The following GPATCH8 variants were observed in gnomAD, a reference collection of about 807,000 sequenced individuals.
GPATCH8 encodes G-patch domain containing 8, also known as G patch domain-containing protein 8.
Under a neutral mutation model 118.3 loss-of-function variants are expected in GPATCH8, and 18 were observed. That is an observed-to-expected ratio of 0.15 (90% CI 0.11 to 0.23). The LOEUF (loss-of-function observed/expected upper bound fraction) is 0.23. Among genes scored for constraint, GPATCH8 ranks in the 10% least tolerant of loss-of-function variants. The pLI is 1.00. For synonymous variants in GPATCH8, 659 were observed against 684.7 expected, an observed-to-expected ratio of 0.96 and a Z score of 0.59; for missense variants, 1,631 against 1,873.8, an observed-to-expected ratio of 0.87 and a Z score of 2.39.
intron 1 of GPATCH8, among the ~76,000 whole-genome samples, chr17:44,479,209 CA>C (rs1968019139): frequency 6.6e-6 from 1 of 152,210 alleles, no homozygotes; most frequent in Non-Finnish European, 1.5e-5. Flanking sequence ...AAAAATCACA[CA>C]AGTTTTTCCA....
rs398039126 is a variant in GPATCH8 at position 44,499,899 on chromosome 17, T to TAA, written c.45+3425_45+3426dup. ...TTAGATTACAAAGATTTCCAAAGAT[T>TAA]AAAAAAAAAAAAAACACTTAAAAGG... is the stretch of plus-strand genomic sequence containing the variant. On this transcript the variant is annotated intron_variant, in intron 1 of 7. Coordinates refer to ENST00000591680, the MANE Select transcript of GPATCH8 (RefSeq NM_001002909.4). Among the ~76,000 whole-genome samples the TAA allele has an allele frequency of 6.7e-3, 895 of 132,652 alleles. 11 individuals carry two copies. The highest frequency in any genetic ancestry group is 0.024 in the African/African-American group (858 of 36,432). 87.0% of individuals were successfully genotyped at this position (132,652 alleles called of 152,430 possible).
chr17:44,413,284 T>C (rs1435603576), intron 6 of GPATCH8, among the ~76,000 whole-genome samples: 1 of 152,232 alleles, frequency 6.6e-6, no homozygotes, highest in Non-Finnish European at 1.5e-5. Flanking sequence ...TTTCTTCTTA[T>C]TTTTGAGACA....
At chr17:44,435,238 T>A in intron 4 of GPATCH8, 87 bp from the exon 5 acceptor site, 2 of 734,994 alleles carry the variant, frequency 2.7e-6, no homozygotes, top group East Asian at 2.5e-5. Flanking sequence ...ACTACAGTAT[T>A]ATCTGAAAAC....
At chr17:44,450,932 T>C (rs2051090394) in intron 3 of GPATCH8, among the ~76,000 whole-genome samples, 1 of 152,170 alleles carries the variant, frequency 6.6e-6, no homozygotes, top group Non-Finnish European at 1.5e-5. Flanking sequence ...AAATTTGAAA[T>C]TATAACTTAA....
chr17:44,489,982 A>G (rs74826440), intron 1 of GPATCH8, among the ~76,000 whole-genome samples: 9,324 of 152,164 alleles, frequency 0.061, 397 homozygotes, highest in Non-Finnish European at 0.095. Context: ...AGATGATCAT[A>G]TATCATACAA....
rs549251649 is a variant in GPATCH8, at chr17:44,467,696, G to C, written c.121-3152C>G. Among the ~76,000 whole-genome samples, 3 of 152,146 alleles carry C rather than the reference G, an allele frequency of 2.0e-5. No individual in the cohort carries two copies. The South Asian group carries it at 6.2e-4, about 32-fold the overall frequency. On this transcript the variant is annotated intron_variant, in intron 2 of 7. Coordinates refer to ENST00000591680, the MANE Select transcript of GPATCH8 (RefSeq NM_001002909.4). ...AACTACCTGCTTTTGGAGGAAAAAAGGCAGCTCTGTGACTCTGCAGGAAGG... is the reference window on the plus strand; with the variant it reads ...AACTACCTGCTTTTGGAGGAAAAAACGCAGCTCTGTGACTCTGCAGGAAGG...
At chr17:44,419,186 A>T (rs1206139074) in intron 6 of GPATCH8, among the ~76,000 whole-genome samples, 1 of 152,242 alleles carries the variant, frequency 6.6e-6, no homozygotes, top group Non-Finnish European at 1.5e-5. Context: ...TACTAACGTA[A>T]TACATTATTT....
At chr17:44,472,644 C>T (rs1967382108) in intron 2 of GPATCH8, among the ~76,000 whole-genome samples, 1 of 152,258 alleles carries the variant, frequency 6.6e-6, no homozygotes, top group Admixed American at 6.5e-5. Context: ...GGAGCTGATT[C>T]TGACAGCTCT....
intron 6 of GPATCH8, among the ~76,000 whole-genome samples, chr17:44,416,817 G>A (rs11658557): frequency 0.074 from 11,271 of 152,262 alleles, 709 homozygotes; most frequent in East Asian, 0.33. Flanking sequence ...GTGGCTGCTA[G>A]AGGCTTCATC....
chr17:44,435,411 CTTTTTT>C (rs566253126), intron 4 of GPATCH8, among the ~76,000 whole-genome samples: 9 of 99,754 alleles, frequency 9.0e-5, no homozygotes, highest in Admixed American at 1.3e-4. Context: ...TCTTTCTTTC[CTTTTTT>C]TTTTTTTTTT....
chr17:44,429,858 C>T (rs1051001436), intron 5 of GPATCH8, among the ~76,000 whole-genome samples: 8 of 144,672 alleles, frequency 5.5e-5, no homozygotes, highest in African/African-American at 1.0e-4. Context: ...AGTAAGACTC[C>T]GTCTAAAAAA....
chr17:44,454,504 G>A (rs867057546), intron 3 of GPATCH8, among the ~76,000 whole-genome samples: 5 of 152,132 alleles, frequency 3.3e-5, no homozygotes, highest in Non-Finnish European at 2.9e-5. Context: ...GATGATCTCC[G>A]TACTGAGAAA....
At position 44,400,505 on chromosome 17, in the gene GPATCH8, T is replaced by C. The variant is rs1422997217; in HGVS notation, c.1572A>G (p.Lys524=). Residue 524 remains lysine, a synonymous_variant, in exon 8 of 8, where the codon AAA becomes AAG. Coordinates refer to ENST00000591680, the MANE Select transcript of GPATCH8 (RefSeq NM_001002909.4). ...GATGTTTGGGTCCTTCTTGGCTTTC[T>C]TTCCCTGCTGGGGTGGCCAGAGAGG... The part of the protein sequence containing the change: ...KETSLATPAG[K]ESQEGPKHPT... 1 of 1,614,042 alleles carries C rather than the reference T, an allele frequency of 6.2e-7. No homozygotes were observed. Among genetic ancestry groups the C allele is most frequent in the East Asian group, 2.2e-5 (1 of 44,894 alleles).
At position 44,402,300 on chromosome 17, in the gene GPATCH8, G is replaced by A. The variant is rs562639908; in HGVS notation, c.624-847C>T. Among the ~76,000 whole-genome samples, 7 of 146,562 alleles carry A rather than the reference G, an allele frequency of 4.8e-5. No individual in the cohort carries two copies. The South Asian group carries it at 1.3e-3, about 27-fold the overall frequency. ...TCGCAGCACCACTGCACTCCAGCCTGGGTGACAGAGCAAGACTCTGTCTCA... is the reference window on the plus strand; with the variant it reads ...TCGCAGCACCACTGCACTCCAGCCTAGGTGACAGAGCAAGACTCTGTCTCA... On this transcript the variant is annotated intron_variant, in intron 7 of 7. Coordinates refer to ENST00000591680, the MANE Select transcript of GPATCH8 (RefSeq NM_001002909.4).
At chr17:44,410,457 A>G (rs993372129) in intron 6 of GPATCH8, among the ~76,000 whole-genome samples, 5 of 152,216 alleles carry the variant, frequency 3.3e-5, no homozygotes, top group African/African-American at 9.6e-5. Context: ...GGACATTCTA[A>G]TTTGAATGGA....
intron 4 of GPATCH8, among the ~76,000 whole-genome samples, chr17:44,435,639 A>G (rs1406682702): frequency 7.1e-6 from 1 of 140,410 alleles, no homozygotes. Context: ...CTGATCTTGA[A>G]CTCCTCACCT....
At position 44,398,736 on chromosome 17, in the gene GPATCH8, G is replaced by A; in HGVS notation, c.3341C>T (p.Ala1114Val). 5 of 1,612,188 alleles carry A rather than the reference G, an allele frequency of 3.1e-6. No homozygotes were observed. Among genetic ancestry groups the A allele is most frequent in the Non-Finnish European group, 4.2e-6 (5 of 1,178,574 alleles). The change falls in exon 8 of 8, where the codon GCC (alanine) becomes GTC (valine). Residue 1114 changes from alanine to valine, a missense_variant. Around this residue, in one of 8 missense-constraint regions of GPATCH8, gnomAD observed 922 missense variants for 879.7 expected, o/e 1.05. Transcript: ENST00000591680. ...CTTGGGCCCAGCTTTATTAGGGGTGGCCTGCACCTCCTCACTCACACTAGG... is the reference window on the plus strand; with the variant it reads ...CTTGGGCCCAGCTTTATTAGGGGTGACCTGCACCTCCTCACTCACACTAGG... ...RKPSVSEEVQATPNKAGPKLK... is the reference protein window; with the variant it reads ...RKPSVSEEVQVTPNKAGPKLK...
intron 2 of GPATCH8, among the ~76,000 whole-genome samples, chr17:44,466,914 C>A (rs1017254271): frequency 1.3e-5 from 2 of 152,076 alleles, no homozygotes; most frequent in South Asian, 4.1e-4. Flanking sequence ...TGCTCCCCCC[C>A]CCTCCATTTT....
intron 1 of GPATCH8, among the ~76,000 whole-genome samples, chr17:44,475,691 C>T (rs1057200922): frequency 1.3e-5 from 2 of 151,630 alleles, no homozygotes; most frequent in African/African-American, 4.9e-5. Context: ...GAGACTCCAT[C>T]TCAAAAACAA....
Sources: allele counts gnomAD v4.1 joint callset (sites outside exome capture counted in the v4.1 genomes callset), GRCh38; gene constraint gnomAD v4.1.1; regional missense constraint gnomAD v4.1.1; transcripts MANE v1.5; gene names NCBI Gene and HGNC (gene_info 2026-07-23, HGNC 2026-07-21).